Variants in LRFN2 observed in about 807,000 individuals in gnomAD.
The protein encoded by LRFN2 is leucine-rich repeat and fibronectin type-III domain-containing protein 2.
LRFN2 carries 18 observed loss-of-function variants against 37.3 expected under a neutral mutation model. The observed-to-expected ratio is 0.48, with a 90% CI of 0.33 to 0.72. The LOEUF (loss-of-function observed/expected upper bound fraction) is 0.72, where lower values mean the gene tolerates loss of function less well. Among genes scored for constraint, LRFN2 ranks in the 30% least tolerant of loss-of-function variants. The probability of loss-of-function intolerance (pLI) is 0.02; values close to 1 mark genes in which losing one functional copy is unlikely to be tolerated. For missense variants in LRFN2, 1,006 were observed against 1,060.7 expected (o/e 0.95, Z 0.72); for synonymous variants, 556 against 466.6 (o/e 1.19, Z -2.47).
chr6:40,508,798 T>C (rs1000902187), intron 1 of LRFN2, among the ~76,000 whole-genome samples: 4 of 151,946 alleles, frequency 2.6e-5, no homozygotes, highest in African/African-American at 9.7e-5. Context: ...AGAAGCAGAG[T>C]CTTACCCGAA....
chr6:40,496,295 G>A (rs1167962566), intron 1 of LRFN2, among the ~76,000 whole-genome samples: 2 of 152,110 alleles, frequency 1.3e-5, no homozygotes, highest in South Asian at 2.1e-4. Context: ...CACCTCCAAC[G>A]TGTCCTCCAC....
At chr6:40,428,090 G>T (rs1336770166) in intron 2 of LRFN2, among the ~76,000 whole-genome samples, 3 of 152,224 alleles carry the variant, frequency 2.0e-5, no homozygotes, top group African/African-American at 7.2e-5. Context: ...CCTCCTAAGG[G>T]TTTGTGAGAA....
intron 1 of LRFN2, among the ~76,000 whole-genome samples, chr6:40,433,559 C>T (rs1763568727): frequency 6.6e-6 from 1 of 152,134 alleles, no homozygotes; most frequent in African/African-American, 2.4e-5. Flanking sequence ...AATGCGATAC[C>T]ATATCATTGG....
chr6:40,402,638 G>A (rs767536911), intron 2 of LRFN2, among the ~76,000 whole-genome samples: 8 of 152,184 alleles, frequency 5.3e-5, no homozygotes, highest in Admixed American at 1.3e-4. Context: ...AAGACATTAG[G>A]TGACTTGACT....
chr6:40,456,871 C>T (rs979584761), intron 1 of LRFN2, among the ~76,000 whole-genome samples: 32 of 152,106 alleles, frequency 2.1e-4, no homozygotes, highest in African/African-American at 6.8e-4. Flanking sequence ...AGCCCAACTC[C>T]CACTTGGTTG....
In LRFN2 at chr6:40,511,032, G is replaced by C. The variant is rs144456974; in HGVS notation, c.-19+75909C>G. On this transcript the variant is annotated intron_variant, in intron 1 of 2. Coordinates refer to ENST00000338305, the MANE Select transcript of LRFN2 (RefSeq NM_020737.3). ...AAGTGAGCTGGCATTCCAGGGGAGG[G>C]AGAGAGGTGAGACCATGGGGGAGAA... Among the ~76,000 whole-genome samples the C allele has an allele frequency of 6.3e-3, 964 of 152,262 alleles. 5 individuals carry two copies. Among genetic ancestry groups the C allele is most frequent in the African/African-American group, 0.022 (913 of 41,540 alleles).
At chr6:40,502,822 G>T (rs1468373100) in intron 1 of LRFN2, among the ~76,000 whole-genome samples, 1 of 152,256 alleles carries the variant, frequency 6.6e-6, no homozygotes, top group Non-Finnish European at 1.5e-5. Context: ...TTAGAGTCGA[G>T]CGTTGGGGCA....
At position 40,431,917 on chromosome 6, in the gene LRFN2, G is replaced by A; in HGVS notation, c.1197C>T (p.Ile399=). The A allele has an allele frequency of 1.2e-6, 2 of 1,613,388 alleles. No individual in the cohort carries two copies. The highest frequency in any genetic ancestry group is 3.3e-4 in the Middle Eastern group (2 of 6,050). Residue 399 remains isoleucine (I), a synonymous_variant, in exon 2 of 3, where the codon ATC becomes ATT. Coordinates refer to ENST00000338305, the MANE Select transcript of LRFN2 (RefSeq NM_020737.3). ...TAPPKSRLSD[I]TGSSKTSRGG... ...CCCGGCTGGTCTTGCTGGAGCCAGT[G>A]ATGTCTGAGAGGCGGGACTTGGGGG...
intron 1 of LRFN2, among the ~76,000 whole-genome samples, chr6:40,446,347 G>T (rs190802410): frequency 4.9e-4 from 75 of 152,282 alleles, no homozygotes; most frequent in African/African-American, 1.5e-3. Context: ...AGTGGCTAGG[G>T]CCCACGAAGG....
At chr6:40,429,476 A>G (rs1430611298) in intron 2 of LRFN2, among the ~76,000 whole-genome samples, 1 of 152,252 alleles carries the variant, frequency 6.6e-6, no homozygotes, top group Non-Finnish European at 1.5e-5. Context: ...ATTTATTTTC[A>G]AAAGGTCAAC....
intron 2 of LRFN2, among the ~76,000 whole-genome samples, chr6:40,415,047 C>T (rs1484301294): frequency 6.6e-6 from 1 of 152,126 alleles, no homozygotes; most frequent in Admixed American, 6.5e-5. Context: ...CACTGCCAGA[C>T]CCCACATCTG....
intron 1 of LRFN2, among the ~76,000 whole-genome samples, chr6:40,564,918 A>C (rs1423701533): frequency 6.6e-6 from 1 of 152,104 alleles, no homozygotes; most frequent in Non-Finnish European, 1.5e-5. Context: ...GTCTGCATAA[A>C]GCAGCCCCTC....
At chr6:40,535,753 C>T (rs1046624300) in intron 1 of LRFN2, among the ~76,000 whole-genome samples, 7 of 152,086 alleles carry the variant, frequency 4.6e-5, no homozygotes, top group Admixed American at 3.3e-4. Flanking sequence ...CCCACATTTG[C>T]TGACAATGCA....
chr6:40,445,983 C>A (rs1763959971), intron 1 of LRFN2, among the ~76,000 whole-genome samples: 2 of 152,208 alleles, frequency 1.3e-5, no homozygotes, highest in Admixed American at 6.5e-5. Flanking sequence ...TTATTAAGTG[C>A]ACTCTCTTTA....
intron 2 of LRFN2, among the ~76,000 whole-genome samples, chr6:40,425,854 T>C (rs1466687293): frequency 6.6e-6 from 1 of 152,248 alleles, no homozygotes; most frequent in Non-Finnish European, 1.5e-5. Flanking sequence ...CACTGTTTTA[T>C]ACAGCCTAAT....
chr6:40,548,953 T>TA (rs1487398001), intron 1 of LRFN2, among the ~76,000 whole-genome samples: 1 of 152,234 alleles, frequency 6.6e-6, no homozygotes, highest in Non-Finnish European at 1.5e-5. Flanking sequence ...AATTCATTTT[T>TA]AAAAGTTAGA....
At chr6:40,511,973 G>A (rs1300614206) in intron 1 of LRFN2, among the ~76,000 whole-genome samples, 1 of 152,226 alleles carries the variant, frequency 6.6e-6, no homozygotes, top group East Asian at 1.9e-4. Flanking sequence ...CTGAGGAAGA[G>A]GCAGGGAGGG....
At chr6:40,449,469 C>A (rs1355314532) in intron 1 of LRFN2, among the ~76,000 whole-genome samples, 1 of 152,140 alleles carries the variant, frequency 6.6e-6, no homozygotes, top group Non-Finnish European at 1.5e-5. Context: ...ATGTGATGAC[C>A]CACAAGTATC....
At chr6:40,415,210 TTTTTGTTTTGTTTTG>T (rs5875718) in intron 2 of LRFN2, among the ~76,000 whole-genome samples, 49,591 of 150,054 alleles carry the variant, frequency 0.33, 9,087 homozygotes, top group South Asian at 0.61. Context: ...CTTTTACTTG[TTTTTGTTTTGTTTTG>T]TTTTGTTTTG....
Sources: allele counts gnomAD v4.1 joint callset (sites outside exome capture counted in the v4.1 genomes callset), GRCh38; gene constraint gnomAD v4.1.1; transcripts MANE v1.5; gene names NCBI Gene and HGNC (gene_info 2026-07-23, HGNC 2026-07-21).